Variants in SBF2 observed in about 807,000 individuals in gnomAD.
The protein encoded by SBF2 is myotubularin-related protein 13.
Under a neutral mutation model 225.2 loss-of-function variants are expected in SBF2, and 112 were observed. That is an observed-to-expected ratio of 0.50 (90% CI 0.43 to 0.58). The LOEUF is 0.58. Among genes scored for constraint, SBF2 ranks in the 20% least tolerant of loss-of-function variants. SBF2 has a pLI of 0.00. For synonymous variants in SBF2, 763 were observed against 773.3 expected, an observed-to-expected ratio of 0.99 and a Z score of 0.22; for missense variants, 1,996 against 2,206.2, an observed-to-expected ratio of 0.90 and a Z score of 1.91.
chr11:9,920,743 A>G (rs900282532), intron 16 of SBF2, among the ~76,000 whole-genome samples: 2 of 152,196 alleles, frequency 1.3e-5, no homozygotes, highest in African/African-American at 4.8e-5. Context: ...AAGTGAGTGG[A>G]TATTAAATTG....
Position 9,959,939 on chromosome 11 carries a change from C to T in SBF2, c.1860+2018G>A, listed in dbSNP as rs116958619. The T allele has an allele frequency of 3.0e-4, 92 of 308,170 alleles. No individual in the cohort carries two copies. The East Asian group carries it at 4.0e-3, about 13-fold the overall frequency. The allele number at this position is 308,170 out of a possible 1,614,324, so 19.1% of individuals were successfully genotyped here. A position where few individuals can be genotyped will look rare whatever the true frequency, so the allele number is the denominator to read the frequency against. On this transcript the variant is annotated intron_variant, in intron 16 of 39. Coordinates refer to ENST00000256190, the MANE Select transcript of SBF2 (RefSeq NM_030962.4). The stretch of plus-strand genomic sequence containing the variant: ...CCTTTTAAGATACTTAAATCTTTTG[C>T]TCATTTTCAAGTTAGGTTGTCTTTT...
At chr11:10,264,218 G>C (rs1961715062) in intron 1 of SBF2, among the ~76,000 whole-genome samples, 1 of 152,086 alleles carries the variant, frequency 6.6e-6, no homozygotes, top group Non-Finnish European at 1.5e-5. Flanking sequence ...ATCAGTAACT[G>C]GTACAGTGAT....
intron 1 of SBF2, among the ~76,000 whole-genome samples, chr11:10,271,034 A>C (rs1270081239): frequency 6.6e-6 from 1 of 150,940 alleles, no homozygotes; most frequent in Non-Finnish European, 1.5e-5. Flanking sequence ...AGTAAAATTA[A>C]TTATACATAT....
chr11:10,165,719 T>C (rs1437246885), intron 2 of SBF2, among the ~76,000 whole-genome samples: 2 of 152,204 alleles, frequency 1.3e-5, no homozygotes, highest in Admixed American at 1.3e-4. Context: ...CTCCACATTC[T>C]GCCCTGCCTA....
At position 10,002,633 on chromosome 11, in the gene SBF2, A is replaced by G. The variant is rs2134514177; in HGVS notation, c.676T>C (p.Phe226Leu). 1 of 1,612,988 alleles carries G rather than the reference A, an allele frequency of 6.2e-7. No homozygotes were observed. The highest frequency in any genetic ancestry group is 2.2e-5 in the East Asian group (1 of 44,802). The change falls in exon 7 of 40, where the codon TTC (phenylalanine) becomes CTC (leucine). Residue 226 changes from phenylalanine (F) to leucine (L), a missense_variant. Transcript: ENST00000256190. ...CAVLTENKVLFHSASFQRLSD... is the reference protein window; with the variant it reads ...CAVLTENKVLLHSASFQRLSD... ...AGTCTCTGGAAACTTGCAGAATGGAAGAGAACCTTATTTTCTGTGAGGACT... is the reference window on the plus strand; with the variant it reads ...AGTCTCTGGAAACTTGCAGAATGGAGGAGAACCTTATTTTCTGTGAGGACT...
chr11:10,020,928 A>G (rs531364201), intron 6 of SBF2, among the ~76,000 whole-genome samples: 132 of 145,796 alleles, frequency 9.1e-4, no homozygotes, highest in African/African-American at 3.2e-3. Flanking sequence ...AAAAAACCCT[A>G]TATTTAATAT....
intron 1 of SBF2, among the ~76,000 whole-genome samples, chr11:10,229,729 C>T (rs574956964): frequency 6.6e-6 from 1 of 152,258 alleles, no homozygotes; most frequent in African/African-American, 2.4e-5. Flanking sequence ...TGCTTTACTT[C>T]CAACTATGTG....
rs1949190497 is a variant in SBF2, at chr11:10,029,838, C to T, written c.440G>A (p.Ser147Asn). 5 of 1,613,902 alleles carry T rather than the reference C, an allele frequency of 3.1e-6. No homozygotes were observed. Among genetic ancestry groups the T allele is most frequent in the Non-Finnish European group, 4.2e-6 (5 of 1,179,818 alleles). The change falls in exon 5 of 40, where the codon AGC (serine) becomes AAC (asparagine). Residue 147 changes from serine to asparagine, a missense_variant. Physicochemically the swap from Ser to Asn is conservative, Grantham distance 46. Transcript: ENST00000256190. ...TAGACTTTCCAAGGAGACATTCAGG[C>T]TGTCCACATACACGGTATAGATCAA... Reference protein sequence around the residue: ...LGLIYTVYVDSLNVSLESLIA... With the variant: ...LGLIYTVYVDNLNVSLESLIA...
At chr11:10,058,274 G>C (rs1008018685) in intron 2 of SBF2, among the ~76,000 whole-genome samples, 1 of 152,160 alleles carries the variant, frequency 6.6e-6, no homozygotes, top group Non-Finnish European at 1.5e-5. Context: ...TCACAATAAA[G>C]TGATATGGGA....
intron 14 of SBF2, among the ~76,000 whole-genome samples, chr11:9,967,969 CTCTATATATATATA>C (rs1172360973): frequency 9.2e-5 from 8 of 87,428 alleles, no homozygotes; most frequent in African/African-American, 3.0e-4. Context: ...CTCTCTCTCT[CTCTATATATATATA>C]TATATATAAA....
chr11:10,201,223 A>C lies in SBF2; in HGVS notation c.56-7236T>G, dbSNP rs191219559. The stretch of plus-strand genomic sequence containing the variant: ...ATATCTGTCCAAAGACAGAACTAAG[A>C]TGAAGGCCATATTCAACTTGCAAGT... On this transcript the variant is annotated intron_variant, in intron 1 of 39. Transcript: ENST00000256190. Among the ~76,000 whole-genome samples the C allele has an allele frequency of 3.9e-5, 6 of 152,264 alleles. No individual in the cohort carries two copies. The East Asian group carries it at 1.2e-3, about 29-fold the overall frequency.
intron 2 of SBF2, among the ~76,000 whole-genome samples, chr11:10,094,656 C>T (rs1056071084): frequency 2.7e-5 from 4 of 150,526 alleles, no homozygotes; most frequent in Non-Finnish European, 4.4e-5. Context: ...GTGCCCGCCA[C>T]GACGCCTGGC....
chr11:10,295,661 C>T (rs1232020922), upstream of SBF2, among the ~76,000 whole-genome samples: 1 of 151,876 alleles, frequency 6.6e-6, no homozygotes, highest in Admixed American at 6.6e-5. Context: ...CATCATCCAA[C>T]TTGATCACTT....
At chr11:10,257,745 C>T in intron 1 of SBF2, among the ~76,000 whole-genome samples, 1 of 150,834 alleles carries the variant, frequency 6.6e-6, no homozygotes, top group Non-Finnish European at 1.5e-5. Context: ...GCCTATAATC[C>T]CAGCACTTTG....
At chr11:9,785,381 T>C (rs1418280636) in intron 36 of SBF2, 63 bp from the exon 37 acceptor site, 2 of 1,156,150 alleles carry the variant, frequency 1.7e-6, no homozygotes, top group Non-Finnish European at 2.5e-6. Flanking sequence ...GACTGGAAAA[T>C]TTCATTTACA....
intron 36 of SBF2, among the ~76,000 whole-genome samples, chr11:9,786,778 T>C (rs1270464681): frequency 6.6e-6 from 1 of 152,240 alleles, no homozygotes; most frequent in East Asian, 1.9e-4. Context: ...TACGAAGGTG[T>C]GTACTGTACT....
At chr11:10,189,296 C>A (rs1957066432) in intron 2 of SBF2, among the ~76,000 whole-genome samples, 1 of 151,984 alleles carries the variant, frequency 6.6e-6, no homozygotes, top group Non-Finnish European at 1.5e-5. Flanking sequence ...GTTTGTGAAC[C>A]CTGATTCTGT....
intron 6 of SBF2, among the ~76,000 whole-genome samples, chr11:10,007,860 A>G (rs913356179): frequency 6.6e-6 from 1 of 152,210 alleles, no homozygotes; most frequent in Non-Finnish European, 1.5e-5. Flanking sequence ...TCCATTCACT[A>G]TGTAAGGCCT....
intron 17 of SBF2, among the ~76,000 whole-genome samples, chr11:9,890,689 A>G (rs1047041878): frequency 3.3e-5 from 5 of 152,198 alleles, no homozygotes; most frequent in African/African-American, 1.2e-4. Context: ...CATTTTGAGT[A>G]TCAATAACCA....
Sources: allele counts gnomAD v4.1 joint callset (sites outside exome capture counted in the v4.1 genomes callset), GRCh38; gene constraint gnomAD v4.1.1; transcripts MANE v1.5; gene names NCBI Gene and HGNC (gene_info 2026-07-23, HGNC 2026-07-21).